Variants in CCDC149 observed in about 807,000 individuals in gnomAD.
The protein encoded by CCDC149 is coiled-coil domain containing 149, also known as coiled-coil domain-containing protein 149.
In CCDC149, 45 loss-of-function variants were observed where a neutral mutation model predicts 59.9. The observed-to-expected ratio is 0.75, with a 90% confidence interval of 0.59 to 0.96. The LOEUF is 0.96. CCDC149 is among the 40% of genes least tolerant of loss of function. The pLI is 0.00. For synonymous variants in CCDC149, 245 were observed against 260.6 expected (o/e 0.94, Z 0.58); for missense variants, 584 against 664.7 (o/e 0.88, Z 1.33).
rs114515660 is a variant in CCDC149 at position 24,897,789 on chromosome 4, G to A, written c.63+15028C>T. Among the ~76,000 whole-genome samples the A allele has an allele frequency of 2.7e-3, 404 of 152,332 alleles. 2 individuals carry two copies. The highest frequency in any genetic ancestry group is 8.8e-3 in the African/African-American group (366 of 41,568). ...GACTTGGGCACAATAAGAGGCGTAC[G>A]AAGTCAGAAGGTAACTAGGAGGTTC... On this transcript the variant is annotated intron_variant, in intron 1 of 12. Transcript: ENST00000635206.
chr4:24,951,718 C>T (rs1209320132), intron 1 of CCDC149, among the ~76,000 whole-genome samples: 1 of 152,134 alleles, frequency 6.6e-6, no homozygotes. Context: ...GCCATTTATA[C>T]CTCACAGTGT....
intron 1 of CCDC149, among the ~76,000 whole-genome samples, chr4:24,945,664 C>T (rs369096272): frequency 5.4e-4 from 82 of 150,994 alleles, no homozygotes; most frequent in African/African-American, 1.8e-3. Flanking sequence ...TTCTATCAGC[C>T]AGGCTGGAGT....
In CCDC149 at chr4:24,953,689, G is replaced by A. The variant is rs979843774; in HGVS notation, c.-65+26380C>T. Among the ~76,000 whole-genome samples the A allele has an allele frequency of 3.9e-5, 6 of 152,126 alleles. 1 individual carries two copies. Among genetic ancestry groups the A allele is most frequent in the Non-Finnish European group, 8.8e-5 (6 of 68,028 alleles). ...TATTCAGAGGAAAAAATAATAATCA[G>A]CAGAAACTGTCCCTGAAAAAGACCT... is the stretch of plus-strand genomic sequence containing the variant. On this transcript the variant is annotated intron_variant, in intron 1 of 12. Coordinates refer to the CCDC149 transcript ENST00000389609.
chr4:24,943,766 A>G (rs1719081192), intron 1 of CCDC149, among the ~76,000 whole-genome samples: 1 of 152,246 alleles, frequency 6.6e-6, no homozygotes, highest in South Asian at 2.1e-4. Context: ...ATGAACAGAC[A>G]CTTCTCAAAA....
At chr4:24,946,290 T>C (rs1382288708) in intron 1 of CCDC149, among the ~76,000 whole-genome samples, 1 of 152,192 alleles carries the variant, frequency 6.6e-6, no homozygotes, top group Non-Finnish European at 1.5e-5. Context: ...CCTTGAGATT[T>C]TGTGAGTCCC....
intron 8 of CCDC149, among the ~76,000 whole-genome samples, chr4:24,832,143 T>TTTAAAGTGC (rs1422894893): frequency 6.6e-6 from 1 of 152,252 alleles, no homozygotes; most frequent in Non-Finnish European, 1.5e-5. Context: ...TAGGAGATTA[T>TTTAAAGTGC]TTAAAGTGCA....
At chr4:24,976,151 CT>C (rs1458544319) in intron 1 of CCDC149, among the ~76,000 whole-genome samples, 2 of 152,140 alleles carry the variant, frequency 1.3e-5, no homozygotes, top group African/African-American at 4.8e-5. Flanking sequence ...CAATAATTAC[CT>C]TTTTCCTTAA....
rs189457604 is a variant in CCDC149, at chr4:24,808,471, C to T, written c.1541G>A (p.Arg514Gln). The stretch of plus-strand genomic sequence containing the variant: ...CGGTGTGGAAGCTTTGGCTGCTGGC[C>T]GGCTGGCCTCGAAGGAGTCCAGGTG... The change falls in exon 13 of 13, where the codon CGG (arginine) becomes CAG (glutamine). Residue 514 changes from arginine to glutamine, a missense_variant. By Grantham distance (43) the Arg-to-Gln change is conservative (BLOSUM62 1). Coordinates refer to ENST00000635206, the MANE Select transcript of CCDC149 (RefSeq NM_001330643.2). 1.7e-3 allele frequency: 2,499 copies of T among 1,471,210 alleles called. 5 individuals are homozygous for T. Among genetic ancestry groups the T allele is most frequent in the Admixed American group, 1.8e-3 (67 of 37,146 alleles). 91.1% of individuals were successfully genotyped at this position (1,471,210 alleles called of 1,614,324 possible).
downstream of CCDC149, among the ~76,000 whole-genome samples, chr4:24,804,930 C>A (rs781500584): frequency 6.6e-6 from 1 of 152,114 alleles, no homozygotes; most frequent in Non-Finnish European, 1.5e-5. Context: ...CTGAGGCCAT[C>A]AGGAGCCTCC....
rs1198945733 is a variant in CCDC149 at position 24,854,378 on chromosome 4, G to A, written c.265-1199C>T. Among the ~76,000 whole-genome samples, 4 of 152,174 alleles carry A rather than the reference G, an allele frequency of 2.6e-5. No homozygotes were observed. In the South Asian group the frequency reaches 8.3e-4, roughly 32 times the overall value. Reference sequence around the variant, plus strand: ...GCTTCCATGTGCGTTGTTCCAGACAGTGCTCAGGTACCGACAAGTGTTTTA... The same window carrying A: ...GCTTCCATGTGCGTTGTTCCAGACAATGCTCAGGTACCGACAAGTGTTTTA... On this transcript the variant is annotated intron_variant, in intron 3 of 12. Coordinates refer to ENST00000635206, the MANE Select transcript of CCDC149 (RefSeq NM_001330643.2).
chr4:24,831,298 G>A, intron 9 of CCDC149: 1 of 569,086 alleles, frequency 1.8e-6, no homozygotes, highest in East Asian at 3.1e-5. Context: ...CAGTATGGCT[G>A]GTACCCTTTC....
At chr4:24,887,267 G>T (rs1376822649) in intron 1 of CCDC149, among the ~76,000 whole-genome samples, 1 of 145,122 alleles carries the variant, frequency 6.9e-6, no homozygotes, top group Non-Finnish European at 1.5e-5. Flanking sequence ...AAGGTAGCTG[G>T]GGTGTAGTGG....
rs114075035 is a variant in CCDC149 at position 24,857,684 on chromosome 4, C to T, written c.265-4505G>A. Among the ~76,000 whole-genome samples the T allele has an allele frequency of 7.9e-3, 1,196 of 152,284 alleles. 6 individuals are homozygous for T. The highest frequency in any genetic ancestry group is 0.014 in the Non-Finnish European group (922 of 68,030). ...TGATGTGATTATTGAAAATTATTTA[C>T]TCTGGAGCCTGGCTGAAAAGAAATC... On this transcript the variant is annotated intron_variant, in intron 3 of 12. Coordinates refer to ENST00000635206, the MANE Select transcript of CCDC149 (RefSeq NM_001330643.2).
upstream of CCDC149, among the ~76,000 whole-genome samples, chr4:24,914,640 G>A (rs895307053): frequency 2.2e-5 from 3 of 135,086 alleles, no homozygotes; most frequent in South Asian, 4.8e-4. Flanking sequence ...GAGACCAGCC[G>A]AAGAACCATC....
At chr4:24,878,722 G>A (rs1719637630) in intron 1 of CCDC149, among the ~76,000 whole-genome samples, 2 of 152,160 alleles carry the variant, frequency 1.3e-5, no homozygotes, top group South Asian at 2.1e-4. Context: ...CCGACTTAGG[G>A]GACAAAAATC....
intron 1 of CCDC149, among the ~76,000 whole-genome samples, chr4:24,942,749 A>G (rs1305569673): frequency 6.6e-6 from 1 of 152,186 alleles, no homozygotes; most frequent in African/African-American, 2.4e-5. Flanking sequence ...CTTATACACC[A>G]ATAACAGACA....
intron 1 of CCDC149, among the ~76,000 whole-genome samples, chr4:24,919,865 CT>C (rs1722233631): frequency 1.3e-5 from 2 of 152,248 alleles, no homozygotes; most frequent in Admixed American, 1.3e-4. Context: ...AGTGAAGGTG[CT>C]GTTATTATTA....
At chr4:24,968,127 T>A (rs1437485855) in intron 1 of CCDC149, among the ~76,000 whole-genome samples, 1 of 152,244 alleles carries the variant, frequency 6.6e-6, no homozygotes. Flanking sequence ...CTACAGGTCG[T>A]TGACCAGGGG....
chr4:24,944,486 A>C (rs958475696), intron 1 of CCDC149, among the ~76,000 whole-genome samples: 1 of 152,118 alleles, frequency 6.6e-6, no homozygotes, highest in African/African-American at 2.4e-5. Flanking sequence ...CCAACATGGC[A>C]CATGTATACA....
Sources: allele counts gnomAD v4.1 joint callset (sites outside exome capture counted in the v4.1 genomes callset), GRCh38; gene constraint gnomAD v4.1.1; transcripts MANE v1.5; gene names NCBI Gene and HGNC (gene_info 2026-07-23, HGNC 2026-07-21).